FKBP5: variants seen among roughly 807,000 people sequenced by gnomAD.
The protein encoded by FKBP5 is FKBP prolyl isomerase 5.
In FKBP5, 23 loss-of-function variants were observed where a neutral mutation model predicts 50.5. That is an observed-to-expected ratio of 0.46 (90% confidence interval 0.33 to 0.65). FKBP5 has a LOEUF of 0.65. Among genes scored for constraint, FKBP5 ranks in the 30% least tolerant of loss-of-function variants. The pLI is 0.02. For missense variants in FKBP5, 411 were observed against 553.1 expected, an observed-to-expected ratio of 0.74 and a Z score of 2.58; for synonymous variants, 176 against 190.6, an observed-to-expected ratio of 0.92 and a Z score of 0.63.
At chr6:35,671,729 T>C (rs1765393570) in intron 1 of FKBP5, among the ~76,000 whole-genome samples, 1 of 152,132 alleles carries the variant, frequency 6.6e-6, no homozygotes, top group African/African-American at 2.4e-5. Context: ...CATATTTTTT[T>C]CAAACAGCAA....
chr6:35,584,486 G>A lies in FKBP5; in HGVS notation c.840+2548C>T, dbSNP rs979019659. On this transcript the variant is annotated intron_variant, in intron 8 of 10. Coordinates refer to ENST00000357266, the MANE Select transcript of FKBP5 (RefSeq NM_004117.4). The stretch of plus-strand genomic sequence containing the variant: ...TGGACTCTGTGCAAATGCATAACAT[G>A]CCAAGTCAGACACCCTGGAAAGACA... 4.1e-6 allele frequency: 4 copies of A among 985,358 alleles called. No individual in the cohort carries two copies. In the East Asian group the frequency reaches 4.5e-4, roughly 112 times the overall value. The allele number at this position is 985,358 out of a possible 1,614,324, so 61.0% of individuals were successfully genotyped here. A position where few individuals can be genotyped will look rare whatever the true frequency, so the allele number is the denominator to read the frequency against.
At chr6:35,644,948 C>A (rs929148683) in intron 1 of FKBP5, among the ~76,000 whole-genome samples, 1 of 152,098 alleles carries the variant, frequency 6.6e-6, no homozygotes, top group Admixed American at 6.5e-5. Flanking sequence ...CAAATGAAAA[C>A]CACCAGGTGA....
chr6:35,699,138 C>CG (rs1241868660), intron 2 of FKBP5, among the ~76,000 whole-genome samples: 6 of 152,178 alleles, frequency 3.9e-5, no homozygotes, highest in African/African-American at 1.4e-4. Flanking sequence ...CTTACTCACA[C>CG]GGAAGGCAAG....
At chr6:35,576,023 G>T in intron 10 of FKBP5, 81 bp from the exon 11 acceptor site, 1 of 964,546 alleles carries the variant, frequency 1.0e-6, no homozygotes, top group Non-Finnish European at 1.7e-6. Context: ...TGTGTATCAG[G>T]TCCCAAACAC....
At chr6:35,645,947 C>A (rs1272915528) in intron 1 of FKBP5, among the ~76,000 whole-genome samples, 1 of 152,114 alleles carries the variant, frequency 6.6e-6, no homozygotes, top group African/African-American at 2.4e-5. Flanking sequence ...GAAACCCCGT[C>A]TCTACTAAAA....
chr6:35,610,658 T>A (rs1763465212), intron 5 of FKBP5, among the ~76,000 whole-genome samples: 1 of 151,698 alleles, frequency 6.6e-6, no homozygotes, highest in African/African-American at 2.4e-5. Context: ...GAGGCACATT[T>A]TGTTTTATTA....
At chr6:35,726,023 C>A (rs1766703024) in intron 1 of FKBP5, among the ~76,000 whole-genome samples, 2 of 152,168 alleles carry the variant, frequency 1.3e-5, no homozygotes, top group Admixed American at 6.5e-5. Flanking sequence ...TGGGAGGGAG[C>A]AATGAGTGTG....
chr6:35,683,632 ATTTT>A (rs777451189), intron 1 of FKBP5, among the ~76,000 whole-genome samples: 3 of 109,362 alleles, frequency 2.7e-5, no homozygotes, highest in African/African-American at 6.6e-5. Flanking sequence ...TGACTGGCTA[ATTTT>A]TTTTTTTTTT....
chr6:35,624,917 C>T (rs534011459), intron 3 of FKBP5, among the ~76,000 whole-genome samples: 10 of 152,222 alleles, frequency 6.6e-5, no homozygotes, highest in South Asian at 2.1e-4. Context: ...CACTCACTGA[C>T]GGGAGCAATG....
At chr6:35,634,716 T>C (rs201338274) in intron 3 of FKBP5, among the ~76,000 whole-genome samples, 2 of 19,884 alleles carry the variant, frequency 1.0e-4, no homozygotes, top group Non-Finnish European at 1.5e-4. Flanking sequence ...GGGGAATACT[T>C]CTTTTTTCCC....
chr6:35,635,972 G>C (rs1764298934), intron 3 of FKBP5, among the ~76,000 whole-genome samples: 1 of 152,160 alleles, frequency 6.6e-6, no homozygotes. Context: ...ATTCATAAAA[G>C]TCAATTACAA....
At chr6:35,715,774 G>A (rs369533982) in intron 2 of FKBP5, among the ~76,000 whole-genome samples, 443 of 152,348 alleles carry the variant, frequency 2.9e-3, no homozygotes, top group African/African-American at 9.1e-3. Flanking sequence ...AGCCTGTAAA[G>A]GGCTCTAAGT....
rs148201332 is a variant in FKBP5 at position 35,702,139 on chromosome 6, T to C, written c.-20+18189A>G. Among the ~76,000 whole-genome samples the C allele has an allele frequency of 7.1e-3, 1,077 of 152,064 alleles. 12 individuals carry two copies. The highest frequency in any genetic ancestry group is 0.022 in the African/African-American group (931 of 41,524). ...CTGGGATTACAGGCGTGAGCCACCATGCCTGGCTGGAATGTTGTATTTTTA... is the reference window on the plus strand; with the variant it reads ...CTGGGATTACAGGCGTGAGCCACCACGCCTGGCTGGAATGTTGTATTTTTA... On this transcript the variant is annotated intron_variant, in intron 2 of 11. Coordinates refer to the FKBP5 transcript ENST00000536438.
At chr6:35,665,000 A>C (rs1435878971) in intron 1 of FKBP5, among the ~76,000 whole-genome samples, 1 of 152,106 alleles carries the variant, frequency 6.6e-6, no homozygotes, top group Non-Finnish European at 1.5e-5. Flanking sequence ...CCAACTATTC[A>C]TTGTGTTTCT....
intron 1 of FKBP5, among the ~76,000 whole-genome samples, chr6:35,656,056 CAA>C (rs1764937799): frequency 6.6e-6 from 1 of 152,132 alleles, no homozygotes; most frequent in African/African-American, 2.4e-5. Context: ...CAGAAAAACC[CAA>C]AAGTTTTATG....
chr6:35,593,065 C>T (rs1302158621), intron 6 of FKBP5, among the ~76,000 whole-genome samples: 3 of 152,194 alleles, frequency 2.0e-5, no homozygotes, highest in Admixed American at 6.5e-5. Flanking sequence ...ATACGTGTGG[C>T]GCACATGATC....
In FKBP5 at chr6:35,656,448, T is replaced by C. The variant is rs565019023; in HGVS notation, c.-19-13605A>G. 9.2e-5 allele frequency among the ~76,000 whole-genome samples: 14 copies of C among 152,350 alleles called. No individual in the cohort carries two copies. In the South Asian group the frequency reaches 2.5e-3, roughly 27 times the overall value. On this transcript the variant is annotated intron_variant, in intron 1 of 10. Transcript: ENST00000357266. ...TACTTTTGGGGAAAATGAGGTTTGC[T>C]ATGTGGAAGGAAAAACAATTTCCAA...
rs1169227246 is a variant in FKBP5 at position 35,573,844 on chromosome 6, C to T, written c.*1991G>A. On this transcript the variant is annotated 3_prime_UTR_variant, in exon 11 of 11. Coordinates refer to ENST00000357266, the MANE Select transcript of FKBP5 (RefSeq NM_004117.4). ...AGTTATTTGCTCAGAACCACTCACA[C>T]ACCCTTCCCCTCCCCACACACACTT... 2 of 152,212 alleles carry T rather than the reference C, an allele frequency of 1.3e-5. No individual in the cohort carries two copies. The highest frequency in any genetic ancestry group is 2.9e-5 in the Non-Finnish European group (2 of 68,048). 9.4% of individuals were successfully genotyped at this position (152,212 alleles called of 1,614,324 possible).
chr6:35,624,005 T>C (rs752122452), intron 3 of FKBP5, among the ~76,000 whole-genome samples: 5 of 151,902 alleles, frequency 3.3e-5, no homozygotes, highest in Non-Finnish European at 7.4e-5. Context: ...CAGCCCAGTT[T>C]TTTTCCTTTT....
Sources: allele counts gnomAD v4.1 joint callset (sites outside exome capture counted in the v4.1 genomes callset), GRCh38; gene constraint gnomAD v4.1.1; transcripts MANE v1.5; gene names NCBI Gene and HGNC (gene_info 2026-07-23, HGNC 2026-07-21).